The following PCDHGB4 variants were observed in gnomAD, a reference collection of about 807,000 sequenced individuals.
PCDHGB4 encodes the protein protocadherin gamma-B4.
In PCDHGB4, 38 loss-of-function variants were observed where a neutral mutation model predicts 60.5. The observed-to-expected ratio is 0.63, with a 90% CI of 0.48 to 0.82. PCDHGB4 has a LOEUF of 0.82. PCDHGB4 is among the 40% of genes least tolerant of loss of function. The probability of loss-of-function intolerance (pLI) is 0.00; values close to 1 mark genes in which losing one functional copy is unlikely to be tolerated. For missense variants in PCDHGB4, 1,109 were observed against 1,209.6 expected (o/e 0.92, Z 1.23); for synonymous variants, 456 against 509.7 (o/e 0.89, Z 1.42).
intron 1 of PCDHGB4, chr5:141,408,352 C>T: frequency 6.2e-7 from 1 of 1,613,918 alleles, no homozygotes; most frequent in South Asian, 1.1e-5. Flanking sequence ...TGGGGAACCT[C>T]GCTAAGGATC....
In PCDHGB4 at chr5:141,491,778, C is replaced by T. The variant is rs568710854; in HGVS notation, c.2398-3029C>T. 3.1e-4 allele frequency: 482 copies of T among 1,547,678 alleles called. No homozygotes were observed. The highest frequency in any genetic ancestry group is 2.2e-3 in the Middle Eastern group (13 of 5,890). On this transcript the variant is annotated intron_variant, in intron 1 of 3. Transcript: ENST00000519479. This position sits in a 1 kb window ranked among gnomAD's most constrained non-coding sequence, Gnocchi z 6.9. Reference sequence around the variant, plus strand: ...CCGCCCGTCCTCATAAGGGATTGAACTTGCATCCACTCCTCTCCGGCCGGC... The same window carrying T: ...CCGCCCGTCCTCATAAGGGATTGAATTTGCATCCACTCCTCTCCGGCCGGC...
In PCDHGB4 at chr5:141,389,465, A is replaced by G. The variant is rs1485260449; in HGVS notation, c.1581A>G (p.Glu527=). The G allele has an allele frequency of 1.2e-6, 2 of 1,613,184 alleles. No individual in the cohort carries two copies. The highest frequency in any genetic ancestry group is 1.7e-5 in the Admixed American group (1 of 60,016). ...ACCACGAGCAGCTGCGCGCCTTCGA[A>G]CTCACACTGCAGGCCCGCGACCAGG... ...AFDHEQLRAF[E]LTLQARDQGS... is the part of the protein sequence containing the mutation. Residue 527 remains glutamate (E), a synonymous_variant, in exon 1 of 4, where the codon GAA becomes GAG. Transcript: ENST00000519479.
At chr5:141,484,873 G>A (rs754469397) in intron 1 of PCDHGB4, 50 of 322,006 alleles carry the variant, frequency 1.6e-4, no homozygotes, top group Non-Finnish European at 2.5e-4. Flanking sequence ...GAGCGTGGAG[G>A]ATAGGGTGGG....
chr5:141,389,133 A>G lies in PCDHGB4; in HGVS notation c.1249A>G (p.Asn417Asp), dbSNP rs1239484034. 18 of 1,613,928 alleles carry G rather than the reference A, an allele frequency of 1.1e-5. No homozygotes were observed. Among genetic ancestry groups the G allele is most frequent in the Admixed American group, 5.0e-5 (3 of 60,008 alleles). Residue 417 changes from asparagine to aspartate, a missense_variant, in exon 1 of 4, where the codon AAT becomes GAT. By Grantham distance (23) the Asn-to-Asp change is conservative. Transcript: ENST00000519479. ...AGACCGCGAGCAGAATCCAGAGTAC[A>G]ATATAACCGTTACGGCAACAGATCG... Reference protein sequence around the residue: ...VLDREQNPEYNITVTATDRGK... With the variant: ...VLDREQNPEYDITVTATDRGK...
At chr5:141,462,235 C>T (rs1389326284) in intron 1 of PCDHGB4, among the ~76,000 whole-genome samples, 1 of 152,206 alleles carries the variant, frequency 6.6e-6, no homozygotes, top group African/African-American at 2.4e-5. Flanking sequence ...GCAGGGATTA[C>T]AGGTATGAGC....
chr5:141,489,111 C>G lies in PCDHGB4; in HGVS notation c.2398-5696C>G. 1.9e-6 allele frequency: 1 copy of G among 518,042 alleles called. No individual in the cohort carries two copies. Among genetic ancestry groups the G allele is most frequent in the Non-Finnish European group, 3.2e-6 (1 of 308,182 alleles). The allele number at this position is 518,042 out of a possible 1,614,324, so 32.1% of individuals were successfully genotyped here. The stretch of plus-strand genomic sequence containing the variant: ...GTGACTAAGAACTGCTGCAAGCAGG[C>G]AAACCTCCGAGCAGTTTTTAAGAGG... On this transcript the variant is annotated intron_variant, in intron 1 of 3. Coordinates refer to ENST00000519479, the MANE Select transcript of PCDHGB4 (RefSeq NM_003736.4). This position sits in a 1 kb window ranked among gnomAD's most constrained non-coding sequence, Gnocchi z 4.5.
intron 1 of PCDHGB4, chr5:141,417,652 GCCTGGGATTC>G: frequency 2.4e-6 from 2 of 840,506 alleles, no homozygotes; most frequent in Non-Finnish European, 3.5e-6. Context: ...TCAGCCTCTA[GCCTGGGATTC>G]CCTGCGCAGC....
chr5:141,430,613 A>T, intron 1 of PCDHGB4: 1 of 679,628 alleles, frequency 1.5e-6, no homozygotes, highest in Admixed American at 3.0e-5. Context: ...CACAAAGCAG[A>T]TAGCTAGGAA....
intron 1 of PCDHGB4, among the ~76,000 whole-genome samples, chr5:141,445,871 T>C (rs1318495005): frequency 6.6e-6 from 1 of 152,198 alleles, no homozygotes; most frequent in Non-Finnish European, 1.5e-5. Context: ...TTGTTCTAAA[T>C]ACCCTTGTAC....
chr5:141,404,314 A>G (rs772060934), intron 1 of PCDHGB4: 1 of 1,613,922 alleles, frequency 6.2e-7, no homozygotes, highest in East Asian at 2.2e-5. Context: ...CTTTCTCTCA[A>G]GCCTCCTACT....
intron 1 of PCDHGB4, chr5:141,399,501 C>T (rs941107702): frequency 5.6e-6 from 9 of 1,614,032 alleles, no homozygotes; most frequent in Non-Finnish European, 7.6e-6. Flanking sequence ...TCAGTGTACC[C>T]GAAAACAACC....
At chr5:141,408,776 C>A in intron 1 of PCDHGB4, 2 of 1,611,684 alleles carry the variant, frequency 1.2e-6, no homozygotes, top group Non-Finnish European at 1.7e-6. Flanking sequence ...TGGCAAATAC[C>A]CAGAGTTATC....
In PCDHGB4 at chr5:141,477,533, G is replaced by C. The variant is rs780541121; in HGVS notation, c.2398-17274G>C. On this transcript the variant is annotated intron_variant, in intron 1 of 3. Transcript: ENST00000519479. This position sits in a 1 kb window ranked among gnomAD's most constrained non-coding sequence, Gnocchi z 4.9. ...TTACATTGAAGAAAACAACCTCCCC[G>C]GGGCTCCAATACTAAACCTAAGTGT... The C allele has an allele frequency of 6.2e-7, 1 of 1,613,892 alleles. No individual in the cohort carries two copies. The highest frequency in any genetic ancestry group is 1.3e-5 in the African/African-American group (1 of 74,852).
intron 1 of PCDHGB4, among the ~76,000 whole-genome samples, chr5:141,473,195 C>T (rs1053769499): frequency 6.6e-6 from 1 of 152,104 alleles, no homozygotes; most frequent in African/African-American, 2.4e-5. Flanking sequence ...GTAAATGTAT[C>T]TTCTAAAAAA....
chr5:141,485,383 G>C lies in PCDHGB4; in HGVS notation c.2398-9424G>C. 6.2e-7 allele frequency: 1 copy of C among 1,614,128 alleles called. No individual in the cohort carries two copies. Among genetic ancestry groups the C allele is most frequent in the Non-Finnish European group, 8.5e-7 (1 of 1,180,020 alleles). On this transcript the variant is annotated intron_variant, in intron 1 of 3. Coordinates refer to ENST00000519479, the MANE Select transcript of PCDHGB4 (RefSeq NM_003736.4). The surrounding 1 kb of genome is among the most constrained non-coding windows in gnomAD (Gnocchi z 5.7). Reference sequence around the variant, plus strand: ...GCAGGCTGCAGGTCGCTGGAGAGGTGAACCAAAGACACTTCCGTGTGGATT... The same window carrying C: ...GCAGGCTGCAGGTCGCTGGAGAGGTCAACCAAAGACACTTCCGTGTGGATT...
At chr5:141,409,821 C>T in intron 1 of PCDHGB4, 1 of 1,610,940 alleles carries the variant, frequency 6.2e-7, no homozygotes, top group Non-Finnish European at 8.5e-7. Flanking sequence ...CACGGCTCGC[C>T]CACGCTCAGC....
intron 1 of PCDHGB4, among the ~76,000 whole-genome samples, chr5:141,464,504 T>A (rs1264652523): frequency 6.6e-6 from 1 of 152,046 alleles, no homozygotes; most frequent in Non-Finnish European, 1.5e-5. Context: ...GATTGCTGCA[T>A]CATAAGGTAA....
rs1250096461 is a variant in PCDHGB4 at position 141,485,533 on chromosome 5, G to A, written c.2398-9274G>A. 6.2e-7 allele frequency: 1 copy of A among 1,614,084 alleles called. No homozygotes were observed. Among genetic ancestry groups the A allele is most frequent in the Non-Finnish European group, 8.5e-7 (1 of 1,180,034 alleles). On this transcript the variant is annotated intron_variant, in intron 1 of 3. Coordinates refer to ENST00000519479, the MANE Select transcript of PCDHGB4 (RefSeq NM_003736.4). This position sits in a 1 kb window ranked among gnomAD's most constrained non-coding sequence, Gnocchi z 5.7. ...GTCCTTTGGAAATGTACCGAGCAGA[G>A]GTAGAGATCGTAGATGTGAATGATC...
intron 1 of PCDHGB4, chr5:141,418,010 G>A: frequency 6.2e-7 from 1 of 1,613,914 alleles, no homozygotes; most frequent in African/African-American, 1.3e-5. Flanking sequence ...GGGGAACCTC[G>A]CTAAGGATCT....
Sources: gnomAD v4.1 joint callset for allele counts (sites outside exome capture counted in the v4.1 genomes callset) on GRCh38, gnomAD v4.1.1 for gene constraint, Gnocchi (gnomAD v3.1) non-coding constraint, MANE v1.5 for transcripts, NCBI Gene and HGNC (gene_info 2026-07-23, HGNC 2026-07-21) for gene names.